The following ARL13A variants were observed in gnomAD, a reference collection of about 807,000 sequenced individuals.
ARL13A encodes ARF like GTPase 13A.
Under a neutral mutation model 19.1 loss-of-function variants are expected in ARL13A, and 16 were observed. The ratio of observed to expected loss-of-function variants is 0.84; its 90% CI spans 0.57 to 1.27. The LOEUF (loss-of-function observed/expected upper bound fraction) is 1.27, where lower values mean the gene tolerates loss of function less well. Ranked by LOEUF, ARL13A falls within the 50% of genes most tolerant of loss-of-function variation. The pLI is 0.00. For missense variants in ARL13A, 153 were observed against 186.4 expected (o/e 0.82, Z 1.04); for synonymous variants, 69 against 71.3 (o/e 0.97, Z 0.17).
intron 3 of ARL13A, among the ~76,000 whole-genome samples, chrX:100,976,859 A>C (rs1378423207): frequency 8.9e-6 from 1 of 112,530 alleles, no homozygotes; most frequent in Non-Finnish European, 1.9e-5. Flanking sequence ...TGGCCTCCCA[A>C]AGTGGTGGGA....
At chrX:100,990,300 C>A in intron 7 of ARL13A, 1 of 859,754 alleles carries the variant, frequency 1.2e-6, no homozygotes, top group Non-Finnish European at 1.4e-6. Flanking sequence ...GCTTCACTTA[C>A]AATAACTGAC....
intron 4 of ARL13A, 23 bp from the exon 5 acceptor site, chrX:100,986,773 C>T: frequency 9.1e-7 from 1 of 1,099,181 alleles, no homozygotes; most frequent in East Asian, 3.1e-5. Flanking sequence ...CTCTTTTCCT[C>T]CCTCTCTCAT....
Position 100,974,716 on chromosome X carries a change from A to G in ARL13A, c.130+519A>G, listed in dbSNP as rs765582538. On this transcript the variant is annotated intron_variant, in intron 3 of 7. Transcript: ENST00000450049. The stretch of plus-strand genomic sequence containing the variant: ...GTCAGTTCCGATATGTCCAAGTTTA[A>G]TACCAGGTCTCTAGTTCAGTATCTT... 4.5e-5 allele frequency among the ~76,000 whole-genome samples: 5 copies of G among 111,718 alleles called. No individual in the cohort carries two copies. In the South Asian group the frequency reaches 1.9e-3, roughly 42 times the overall value.
chrX:100,973,429 G>A (rs900400059), intron 1 of ARL13A, among the ~76,000 whole-genome samples: 2 of 105,935 alleles, frequency 1.9e-5, no homozygotes, highest in Non-Finnish European at 3.9e-5. Context: ...CCCGGGCGGC[G>A]CTCGCCGGCG....
At chrX:100,982,155 C>T (rs1426387535) in intron 3 of ARL13A, among the ~76,000 whole-genome samples, 1 of 110,910 alleles carries the variant, frequency 9.0e-6, no homozygotes, top group Non-Finnish European at 1.9e-5. Context: ...CATGATGCTT[C>T]AGCCCCACCC....
At chrX:100,986,042 G>A (rs2085931243) in intron 4 of ARL13A, 126 bp downstream of exon 4, 1 of 842,106 alleles carries the variant, frequency 1.2e-6, no homozygotes, top group Admixed American at 3.9e-5. Context: ...GGCTCAGTGA[G>A]GTAGAGCGGC....
chrX:100,975,556 CAATA>C (rs997405418), intron 3 of ARL13A, among the ~76,000 whole-genome samples: 3 of 110,705 alleles, frequency 2.7e-5, no homozygotes, highest in African/African-American at 9.8e-5. Context: ...GGTAGGTATT[CAATA>C]AATATTCATG....
At chrX:100,983,287 C>T (rs1321824859) in intron 3 of ARL13A, among the ~76,000 whole-genome samples, 2 of 110,450 alleles carry the variant, frequency 1.8e-5, no homozygotes, top group African/African-American at 6.6e-5. Context: ...TTTTCTCTGA[C>T]AGGGCAAAAA....
chrX:100,983,134 G>A (rs1473810201), intron 3 of ARL13A, among the ~76,000 whole-genome samples: 1 of 110,538 alleles, frequency 9.0e-6, no homozygotes, highest in Non-Finnish European at 1.9e-5. Flanking sequence ...GTGTTTATAC[G>A]TTAATAGAGG....
chrX:100,981,843 T>A (rs1244632897), intron 3 of ARL13A, among the ~76,000 whole-genome samples: 2 of 105,648 alleles, frequency 1.9e-5, no homozygotes, highest in African/African-American at 6.9e-5. Context: ...TATAACCAGG[T>A]ACTGTGATCG....
chrX:100,975,026 C>G (rs752079749), intron 3 of ARL13A, among the ~76,000 whole-genome samples: 1 of 111,716 alleles, frequency 9.0e-6, no homozygotes, highest in Non-Finnish European at 1.9e-5. Context: ...TTTGTCCCCC[C>G]CAGTATTCAA....
chrX:100,986,764 T>A, intron 4 of ARL13A, 32 bp from the exon 5 acceptor site: 1 of 1,065,785 alleles, frequency 9.4e-7, no homozygotes, highest in South Asian at 2.2e-5. Flanking sequence ...ACTCTTCCAC[T>A]CTTTTCCTCC....
At chrX:100,985,609 A>C in intron 3 of ARL13A, 58 bp from the exon 4 acceptor site, 1 of 1,159,795 alleles carries the variant, frequency 8.6e-7, no homozygotes, top group Non-Finnish European at 1.2e-6. Flanking sequence ...TACTCCTGTT[A>C]GATGAGTATG....
intron 1 of ARL13A, among the ~76,000 whole-genome samples, chrX:100,971,708 C>T (rs1602431036): frequency 1.4e-4 from 2 of 13,878 alleles, no homozygotes; most frequent in African/African-American, 2.9e-4. Context: ...TCTATTGCAG[C>T]TTTCATTTTC....
intron 7 of ARL13A, 72 bp downstream of exon 7, chrX:100,988,355 C>T (rs1161622803): frequency 8.3e-7 from 1 of 1,207,066 alleles, no homozygotes; most frequent in Non-Finnish European, 1.1e-6. Flanking sequence ...AACTTTCCCC[C>T]CCATCATCTT....
Position 100,986,800 on chromosome X carries a change from GCAAA to G in ARL13A, c.393_396del (p.Gln132ThrfsTer17). On this transcript the variant is annotated frameshift_variant, in exon 5 of 8. Coordinates refer to ENST00000450049, the MANE Select transcript of ARL13A (RefSeq NM_001162491.2). LOFTEE classifies it high-confidence loss of function. The stretch of plus-strand genomic sequence containing the variant: ...CTCTCTCATATGCTGTTTTAGTTTA[GCAAA>G]CAAACAAGACAAGAAGAAAGCCCTC... 1 of 1,184,866 alleles carries G rather than the reference GCAAA, an allele frequency of 8.4e-7. No individual in the cohort carries two copies. Among genetic ancestry groups the G allele is most frequent in the Non-Finnish European group, 1.1e-6 (1 of 878,966 alleles).
intron 3 of ARL13A, among the ~76,000 whole-genome samples, chrX:100,980,757 C>T (rs1251679283): frequency 1.8e-5 from 2 of 111,148 alleles, no homozygotes; most frequent in Non-Finnish European, 3.8e-5. Context: ...TACTGCCTGG[C>T]GCTTGCTTGG....
chrX:100,971,718 C>CT (rs777239339), intron 1 of ARL13A, among the ~76,000 whole-genome samples: 721 of 14,094 alleles, frequency 0.051, no homozygotes, highest in Non-Finnish European at 0.063. Context: ...CTTTCATTTT[C>CT]TTTTTTTTTT....
intron 3 of ARL13A, among the ~76,000 whole-genome samples, chrX:100,981,232 G>T (rs1274424658): frequency 8.9e-6 from 1 of 111,983 alleles, no homozygotes; most frequent in African/African-American, 3.2e-5. Flanking sequence ...GGGCTTGCTG[G>T]AACTCAGGTT....
Sources: gnomAD v4.1 joint callset for allele counts (sites outside exome capture counted in the v4.1 genomes callset) on GRCh38, gnomAD v4.1.1 for gene constraint, MANE v1.5 for transcripts, NCBI Gene and HGNC (gene_info 2026-07-23, HGNC 2026-07-21) for gene names.